EIF4EBP1: variants seen among roughly 807,000 people sequenced by gnomAD.
EIF4EBP1 encodes the protein eukaryotic translation initiation factor 4E-binding protein 1.
A neutral mutation model predicts 9.2 loss-of-function variants in EIF4EBP1; 5 were observed. That is an observed-to-expected ratio of 0.54 (90% CI 0.28 to 1.14). EIF4EBP1 has a LOEUF of 1.14. Ranked by LOEUF, EIF4EBP1 falls within the 50% of genes most tolerant of loss-of-function variation. EIF4EBP1 has a pLI of 0.09. For missense variants in EIF4EBP1, 139 were observed against 169.6 expected, an observed-to-expected ratio of 0.82 and a Z score of 1.00; for synonymous variants, 62 against 67.0, an observed-to-expected ratio of 0.93 and a Z score of 0.36.
intron 1 of EIF4EBP1, among the ~76,000 whole-genome samples, chr8:38,032,846 C>A (rs570220318): frequency 6.6e-6 from 1 of 152,260 alleles, no homozygotes; most frequent in Admixed American, 6.5e-5. Context: ...GTGGACTCTT[C>A]CTCCAAAGCC....
rs534985777 is a variant in EIF4EBP1 at position 38,033,837 on chromosome 8, C to T, written c.145+3119C>T. Among the ~76,000 whole-genome samples the T allele has an allele frequency of 6.2e-4, 92 of 149,334 alleles. 1 individual carries two copies. The highest frequency in any genetic ancestry group is 5.5e-3 in the Admixed American group (81 of 14,730). ...TCTTGGCTCACTGCAAGCTCCGCCT[C>T]CCGGGTTCACGCCATTCTCTTGCCT... On this transcript the variant is annotated intron_variant, in intron 1 of 2. Transcript: ENST00000338825.
intron 1 of EIF4EBP1, among the ~76,000 whole-genome samples, chr8:38,040,509 G>T (rs572765364): frequency 6.6e-6 from 1 of 152,322 alleles, no homozygotes; most frequent in Admixed American, 6.5e-5. Flanking sequence ...GCAGCGATTT[G>T]TTATTGTTCT....
chr8:38,057,039 G>A, intron 1 of EIF4EBP1, 42 bp from the exon 2 acceptor site: 2 of 1,606,754 alleles, frequency 1.2e-6, no homozygotes, highest in Non-Finnish European at 1.7e-6. Context: ...CGGCAGGCAA[G>A]AGGCTGCAGA....
rs57636160 is a variant in EIF4EBP1 at position 38,032,368 on chromosome 8, A to G, written c.145+1650A>G. ...TCTCTACAAAGAAACAAACAAAACAACAACAAAATGTTGTCCTAGCTACTA... is the reference window on the plus strand; with the variant it reads ...TCTCTACAAAGAAACAAACAAAACAGCAACAAAATGTTGTCCTAGCTACTA... On this transcript the variant is annotated intron_variant, in intron 1 of 2. Coordinates refer to ENST00000338825, the MANE Select transcript of EIF4EBP1 (RefSeq NM_004095.4). Among the ~76,000 whole-genome samples, 22 of 152,012 alleles carry G rather than the reference A, an allele frequency of 1.4e-4. No individual in the cohort carries two copies. In the East Asian group the frequency reaches 4.3e-3, roughly 29 times the overall value.
At chr8:38,044,308 A>G (rs901264263) in intron 1 of EIF4EBP1, among the ~76,000 whole-genome samples, 8 of 152,204 alleles carry the variant, frequency 5.3e-5, no homozygotes, top group Non-Finnish European at 1.2e-4. Context: ...GAGTATGGGC[A>G]CTGGAGGGCT....
intron 1 of EIF4EBP1, among the ~76,000 whole-genome samples, chr8:38,036,301 G>C (rs1809301878): frequency 6.6e-6 from 1 of 151,950 alleles, no homozygotes; most frequent in Non-Finnish European, 1.5e-5. Context: ...CTGAGGTCAG[G>C]AGTTCAAGAC....
In EIF4EBP1 at chr8:38,030,541, C is replaced by CGA. The variant is rs951822882; in HGVS notation, c.-29_-28dup. The CGA allele has an allele frequency of 2.0e-6, 3 of 1,486,208 alleles. No individual in the cohort carries two copies. Among genetic ancestry groups the CGA allele is most frequent in the Non-Finnish European group, 2.7e-6 (3 of 1,124,228 alleles). 92.1% of individuals were successfully genotyped at this position (1,486,208 alleles called of 1,614,324 possible). ...CGAGGCTGGAGGCGCGGGAGGGCAG[C>CGA]GAGAGGTTCGCGGGTGCAGCGCACA... On this transcript the variant is annotated 5_prime_UTR_variant, in exon 1 of 3. Coordinates refer to ENST00000338825, the MANE Select transcript of EIF4EBP1 (RefSeq NM_004095.4).
rs185860651 is a variant in EIF4EBP1 at position 38,037,356 on chromosome 8, G to A, written c.145+6638G>A. 3.4e-3 allele frequency among the ~76,000 whole-genome samples: 513 copies of A among 151,744 alleles called. 4 individuals carry two copies. Among genetic ancestry groups the A allele is most frequent in the Non-Finnish European group, 4.9e-3 (336 of 67,928 alleles). The stretch of plus-strand genomic sequence containing the variant: ...TTTTGAGACTGAGTCTTGCTCTGTC[G>A]CCCAGGCTGGAGTGCAGTGGCATGA... On this transcript the variant is annotated intron_variant, in intron 1 of 2. Transcript: ENST00000338825.
At chr8:38,053,937 C>T (rs1407416487) in intron 1 of EIF4EBP1, among the ~76,000 whole-genome samples, 1 of 152,114 alleles carries the variant, frequency 6.6e-6, no homozygotes, top group African/African-American at 2.4e-5. Context: ...TTCAGTTTCA[C>T]ATGATGAAAA....
At chr8:38,044,584 G>A (rs767947663) in intron 1 of EIF4EBP1, among the ~76,000 whole-genome samples, 14 of 152,158 alleles carry the variant, frequency 9.2e-5, no homozygotes, top group African/African-American at 2.9e-4. Flanking sequence ...GATCATAGGC[G>A]CACGCCATCA....
At chr8:38,050,112 A>G (rs1809499735) in intron 1 of EIF4EBP1, among the ~76,000 whole-genome samples, 1 of 151,828 alleles carries the variant, frequency 6.6e-6, no homozygotes, top group Non-Finnish European at 1.5e-5. Flanking sequence ...GGGTTTCACC[A>G]TGTTGGCCAG....
intron 1 of EIF4EBP1, among the ~76,000 whole-genome samples, chr8:38,051,600 T>A (rs35617335): frequency 6.6e-6 from 1 of 151,474 alleles, no homozygotes. Flanking sequence ...TTTATTTATA[T>A]TTTTTTTTAT....
Position 38,030,666 on chromosome 8 carries a change from CG to C in EIF4EBP1, c.97del (p.Asp33ThrfsTer27). The part of the protein sequence containing the change: ...VLGDGVQLPP[G>X]DYSTTPGGTL... Reference sequence around the variant, plus strand: ...TCGGCGACGGCGTGCAGCTCCCGCCCGGGGACTACAGCACGACCCCCGGCGG... The same window carrying C: ...TCGGCGACGGCGTGCAGCTCCCGCCCGGGACTACAGCACGACCCCCGGCGG... On this transcript the variant is annotated frameshift_variant, in exon 1 of 3. Coordinates refer to ENST00000338825, the MANE Select transcript of EIF4EBP1 (RefSeq NM_004095.4). LOFTEE classifies it high-confidence loss of function. 4 of 1,501,046 alleles carry C rather than the reference CG, an allele frequency of 2.7e-6. No homozygotes were observed. The highest frequency in any genetic ancestry group is 2.9e-5 in the African/African-American group (2 of 69,256). The allele number at this position is 1,501,046 out of a possible 1,614,324, so 93.0% of individuals were successfully genotyped here. A position where few individuals can be genotyped will look rare whatever the true frequency, so the allele number is the denominator to read the frequency against.
At chr8:38,046,802 G>C (rs935287647) in intron 1 of EIF4EBP1, among the ~76,000 whole-genome samples, 6 of 152,208 alleles carry the variant, frequency 3.9e-5, no homozygotes, top group Admixed American at 2.6e-4. Context: ...ACAGAGCTGG[G>C]TTTCCAAAGG....
intron 1 of EIF4EBP1, among the ~76,000 whole-genome samples, chr8:38,041,015 G>T (rs1022274083): frequency 6.6e-6 from 1 of 152,140 alleles, no homozygotes; most frequent in African/African-American, 2.4e-5. Context: ...GCCCATGCTG[G>T]TCTTGAACTC....
At chr8:38,033,386 C>T (rs937934633) in intron 1 of EIF4EBP1, among the ~76,000 whole-genome samples, 8 of 151,630 alleles carry the variant, frequency 5.3e-5, no homozygotes, top group Non-Finnish European at 1.2e-4. Flanking sequence ...GCATTTCTAA[C>T]TAGCTCTGAC....
intron 1 of EIF4EBP1, 65 bp downstream of exon 1, chr8:38,030,783 G>T: frequency 7.3e-7 from 1 of 1,372,888 alleles, no homozygotes; most frequent in Non-Finnish European, 9.3e-7. Context: ...GGGAATCGCG[G>T]ATTGGACCGG....
chr8:38,030,794 G>C, intron 1 of EIF4EBP1, 76 bp downstream of exon 1: 1 of 1,369,318 alleles, frequency 7.3e-7, no homozygotes, highest in Non-Finnish European at 9.4e-7. Flanking sequence ...ATTGGACCGG[G>C]TGTCCAGGCT....
rs367743494 is a variant in EIF4EBP1 at position 38,043,621 on chromosome 8, CAG to C, written c.145+12904_145+12905del. On this transcript the variant is annotated intron_variant, in intron 1 of 2. Coordinates refer to ENST00000338825, the MANE Select transcript of EIF4EBP1 (RefSeq NM_004095.4). The stretch of plus-strand genomic sequence containing the variant: ...TCGGCCTCCCAAAGTGCTGGGATAA[CAG>C]GTGTGAGCTATCACACCTGGCCTGA... Among the ~76,000 whole-genome samples, 273 of 152,194 alleles carry C rather than the reference CAG, an allele frequency of 1.8e-3. 3 individuals carry two copies. Among genetic ancestry groups the C allele is most frequent in the Middle Eastern group, 0.01 (3 of 294 alleles).
Sources: gnomAD v4.1 joint callset for allele counts (sites outside exome capture counted in the v4.1 genomes callset) on GRCh38, gnomAD v4.1.1 for gene constraint, MANE v1.5 for transcripts, NCBI Gene and HGNC (gene_info 2026-07-23, HGNC 2026-07-21) for gene names.